Variants in MECOM observed in about 807,000 individuals in gnomAD.
The protein encoded by MECOM is histone-lysine N-methyltransferase MECOM.
A neutral mutation model predicts 116.3 loss-of-function variants in MECOM; 13 were observed. That is an observed-to-expected ratio of 0.11 (90% CI 0.07 to 0.18). The LOEUF (loss-of-function observed/expected upper bound fraction) is 0.18. Among genes scored for constraint, MECOM ranks in the 10% least tolerant of loss-of-function variants. The pLI is 1.00. For missense variants in MECOM, 1,299 were observed against 1,509.0 expected (o/e 0.86, Z 2.31); for synonymous variants, 528 against 535.2 (o/e 0.99, Z 0.19).
intron 12 of MECOM, among the ~76,000 whole-genome samples, chr3:169,097,250 A>G (rs1721833316): frequency 6.6e-6 from 1 of 152,250 alleles, no homozygotes; most frequent in East Asian, 1.9e-4. Flanking sequence ...TTCCAAATCT[A>G]GTAAGCACCA....
At chr3:169,313,347 G>C (rs570139830) in intron 2 of MECOM, among the ~76,000 whole-genome samples, 17 of 152,344 alleles carry the variant, frequency 1.1e-4, no homozygotes, top group African/African-American at 4.1e-4. Flanking sequence ...GCAATAGCTG[G>C]AGTGGTAAGT....
Position 169,143,851 on chromosome 3 carries a change from G to A in MECOM, c.376-19C>T. ...CTAAGATCTGGAGGGAAGAAGATGAGAACAATCAATTGCCATATTGGCCCA... is the reference window on the plus strand; with the variant it reads ...CTAAGATCTGGAGGGAAGAAGATGAAAACAATCAATTGCCATATTGGCCCA... On this transcript the variant is annotated intron_variant, in intron 2 of 16. Coordinates refer to ENST00000651503, the MANE Select transcript of MECOM (RefSeq NM_004991.4). The A allele has an allele frequency of 6.3e-7, 1 of 1,580,132 alleles. No homozygotes were observed. Among genetic ancestry groups the A allele is most frequent in the Non-Finnish European group, 8.6e-7 (1 of 1,162,338 alleles).
intron 2 of MECOM, among the ~76,000 whole-genome samples, chr3:169,209,923 A>G (rs913820519): frequency 6.6e-6 from 1 of 152,210 alleles, no homozygotes; most frequent in Non-Finnish European, 1.5e-5. Context: ...TTGCAGCACT[A>G]TTTACAATAG....
chr3:169,361,452 A>G (rs1728291152), intron 2 of MECOM, among the ~76,000 whole-genome samples: 1 of 151,812 alleles, frequency 6.6e-6, no homozygotes, highest in South Asian at 2.1e-4. Context: ...TAAAAAGAGC[A>G]CCCTTGACTT....
At chr3:169,570,520 GAA>G (rs1763763772) in intron 1 of MECOM, among the ~76,000 whole-genome samples, 1 of 151,970 alleles carries the variant, frequency 6.6e-6, no homozygotes, top group Admixed American at 6.6e-5. Flanking sequence ...ACCAAAACCT[GAA>G]AAAGACACAT....
chr3:169,436,461 G>T (rs1560272532), intron 1 of MECOM, among the ~76,000 whole-genome samples: 3 of 152,010 alleles, frequency 2.0e-5, no homozygotes, highest in Non-Finnish European at 4.4e-5. Flanking sequence ...TGCTGGTCAG[G>T]CTGGTCTCAA....
At chr3:169,309,274 T>G (rs1718304481) in intron 2 of MECOM, among the ~76,000 whole-genome samples, 1 of 152,200 alleles carries the variant, frequency 6.6e-6, no homozygotes. Flanking sequence ...AAGTTTAAAT[T>G]TAAAAAATGG....
intron 1 of MECOM, among the ~76,000 whole-genome samples, chr3:169,489,302 T>C (rs914020598): frequency 6.6e-6 from 1 of 152,124 alleles, no homozygotes; most frequent in African/African-American, 2.4e-5. Context: ...AGTAATCCCA[T>C]CCTAAAGAAA....
At chr3:169,175,991 T>C (rs1433285040) in intron 2 of MECOM, among the ~76,000 whole-genome samples, 1 of 152,152 alleles carries the variant, frequency 6.6e-6, no homozygotes, top group Non-Finnish European at 1.5e-5. Context: ...TCTGCTAATA[T>C]GGTTCGTTTT....
At chr3:169,351,778 G>T (rs1485085008) in intron 2 of MECOM, among the ~76,000 whole-genome samples, 1 of 151,690 alleles carries the variant, frequency 6.6e-6, no homozygotes, top group African/African-American at 2.4e-5. Flanking sequence ...TCCTAATAAG[G>T]TCACTGACCT....
chr3:169,392,962 C>G (rs1249369618), intron 1 of MECOM, among the ~76,000 whole-genome samples: 1 of 152,124 alleles, frequency 6.6e-6, no homozygotes, highest in East Asian at 1.9e-4. Context: ...GCCACATGTT[C>G]TAAAATGGCA....
intron 1 of MECOM, among the ~76,000 whole-genome samples, chr3:169,449,761 C>T (rs982393495): frequency 2.0e-5 from 3 of 151,996 alleles, no homozygotes; most frequent in East Asian, 3.8e-4. Flanking sequence ...GTGATACCAT[C>T]GGAAAAAAAG....
intron 1 of MECOM, among the ~76,000 whole-genome samples, chr3:169,645,295 A>G (rs1024419408): frequency 1.8e-5 from 2 of 109,120 alleles, no homozygotes; most frequent in African/African-American, 9.8e-5. Context: ...GAGTAGACAG[A>G]TGTATTTTTT....
At chr3:169,484,602 A>G (rs1464610130) in intron 1 of MECOM, among the ~76,000 whole-genome samples, 3 of 152,218 alleles carry the variant, frequency 2.0e-5, no homozygotes, top group African/African-American at 7.2e-5. Flanking sequence ...TTTAAAGAAA[A>G]TTTATTTTAC....
At chr3:169,485,256 A>G (rs1215323423) in intron 1 of MECOM, among the ~76,000 whole-genome samples, 1 of 152,126 alleles carries the variant, frequency 6.6e-6, no homozygotes, top group Non-Finnish European at 1.5e-5. Flanking sequence ...CGGCCTCCCA[A>G]AGTGCTAGGA....
At chr3:169,593,985 G>A (rs978334020) in intron 1 of MECOM, among the ~76,000 whole-genome samples, 1 of 151,676 alleles carries the variant, frequency 6.6e-6, no homozygotes, top group African/African-American at 2.4e-5. Context: ...GCCGGGTGTG[G>A]TGGTGCACGC....
chr3:169,580,136 T>C (rs906474593), intron 1 of MECOM, among the ~76,000 whole-genome samples: 12 of 152,184 alleles, frequency 7.9e-5, no homozygotes, highest in African/African-American at 2.9e-4. Context: ...AGTAGACTAT[T>C]TGTCTATATT....
chr3:169,294,344 T>C (rs138502223), intron 2 of MECOM, among the ~76,000 whole-genome samples: 1 of 152,342 alleles, frequency 6.6e-6, no homozygotes, highest in African/African-American at 2.4e-5. Flanking sequence ...GTTTGCAATT[T>C]CTACAGGCAG....
intron 1 of MECOM, among the ~76,000 whole-genome samples, chr3:169,626,265 T>C (rs1457225597): frequency 6.6e-6 from 1 of 152,214 alleles, no homozygotes; most frequent in Non-Finnish European, 1.5e-5. Flanking sequence ...GATTGACAAT[T>C]GTATATTAGA....
Sources: allele counts gnomAD v4.1 joint callset (sites outside exome capture counted in the v4.1 genomes callset), GRCh38; gene constraint gnomAD v4.1.1; transcripts MANE v1.5; gene names NCBI Gene and HGNC (gene_info 2026-07-23, HGNC 2026-07-21).